Variants in CLEC4D observed in about 807,000 individuals in gnomAD.
CLEC4D encodes the protein C-type lectin domain family 4 member D.
CLEC4D carries 21 observed loss-of-function variants against 21.1 expected under a neutral mutation model. The ratio of observed to expected loss-of-function variants is 1.00; its 90% CI spans 0.71 to 1.43. The LOEUF (loss-of-function observed/expected upper bound fraction) is 1.43, where lower values mean the gene tolerates loss of function less well. CLEC4D is among the 40% of genes most tolerant of loss of function. The pLI is 0.00. For synonymous variants in CLEC4D, 85 were observed against 83.1 expected (o/e 1.02, Z -0.12); for missense variants, 289 against 260.7 (o/e 1.11, Z -0.75).
intron 2 of CLEC4D, among the ~76,000 whole-genome samples, chr12:8,516,122 A>G (rs932553675): frequency 2.0e-5 from 3 of 152,212 alleles, no homozygotes; most frequent in African/African-American, 7.2e-5. Flanking sequence ...AAACAAATCT[A>G]GAGCAGATTA....
chr12:8,520,315 C>A lies in CLEC4D; in HGVS notation c.474C>A (p.Asp158Glu). ...CCAAAGGTCAGTGGCGTTGGGTGGACCAGACGCCATTTAACCCACGCAGAG... is the reference window on the plus strand; with the variant it reads ...CCAAAGGTCAGTGGCGTTGGGTGGAACAGACGCCATTTAACCCACGCAGAG... ...ENAKGQWRWVDQTPFNPRRVF... is the reference protein window; with the variant it reads ...ENAKGQWRWVEQTPFNPRRVF... Residue 158 changes from aspartate (D) to glutamate (E), a missense_variant, in exon 5 of 6, where the codon GAC (aspartate) becomes GAA (glutamate). Asp to Glu is a conservative substitution (Grantham distance 45, BLOSUM62 2). Coordinates refer to ENST00000299665, the MANE Select transcript of CLEC4D (RefSeq NM_080387.5). 6.2e-7 allele frequency: 1 copy of A among 1,613,916 alleles called. No homozygotes were observed. The highest frequency in any genetic ancestry group is 8.5e-7 in the Non-Finnish European group (1 of 1,179,824).
At chr12:8,526,560 T>C (rs1274481342), downstream of CLEC4D, among the ~76,000 whole-genome samples, 2 of 152,240 alleles carry the variant, frequency 1.3e-5, no homozygotes, top group Non-Finnish European at 2.9e-5. Context: ...CTCTCTAAAC[T>C]GGTTATTCTA....
intron 2 of CLEC4D, among the ~76,000 whole-genome samples, chr12:8,516,718 G>A (rs1163823524): frequency 5.9e-5 from 9 of 152,276 alleles, no homozygotes; most frequent in Middle Eastern, 3.4e-3. Context: ...ATATTCGTAC[G>A]CTATTGCCTG....
the CLEC4D span, among the ~76,000 whole-genome samples, chr12:8,530,162 G>A: frequency 8.1e-3 from 1,226 of 152,222 alleles, 18 homozygotes; most frequent in African/African-American, 0.028. Flanking sequence ...ATTTAACAAA[G>A]AAGAAATGAA....
downstream of CLEC4D, among the ~76,000 whole-genome samples, chr12:8,524,387 T>C (rs1038734208): frequency 1.3e-5 from 2 of 152,146 alleles, no homozygotes; most frequent in African/African-American, 4.8e-5. Context: ...GAGCTCGTAA[T>C]TGTCTATTCA....
rs1485089870 is a variant in CLEC4D, at chr12:8,521,181, T to A, written c.558T>A (p.Val186=). ...AGGGAGAAAACTGTGTTGTTCTTGT[T>A]TATAACCAAGATAAATGGGCCTGGA... ...NSQGENCVVL[V]YNQDKWAWND... Residue 186 remains valine, a synonymous_variant, in exon 6 of 6, where the codon GTT becomes GTA. Transcript: ENST00000299665. The A allele has an allele frequency of 8.7e-6, 14 of 1,613,590 alleles. No homozygotes were observed. The Admixed American group carries it at 2.2e-4, about 25-fold the overall frequency.
At chr12:8,531,552 C>G in the CLEC4D span, among the ~76,000 whole-genome samples, 1 of 151,978 alleles carries the variant, frequency 6.6e-6, no homozygotes, top group Admixed American at 6.5e-5. Context: ...ATTTTTTAAA[C>G]GTTTGAGGTA....
At chr12:8,527,804 G>T in the CLEC4D span, among the ~76,000 whole-genome samples, 2 of 152,362 alleles carry the variant, frequency 1.3e-5, no homozygotes, top group African/African-American at 2.4e-5. Flanking sequence ...CCAGGGTTGG[G>T]ATGCTAGGCC....
At chr12:8,525,921 G>A (rs947521511), downstream of CLEC4D, among the ~76,000 whole-genome samples, 3 of 152,106 alleles carry the variant, frequency 2.0e-5, no homozygotes, top group African/African-American at 4.8e-5. Flanking sequence ...GTCTGGAAAG[G>A]ATTTTATTTC....
the CLEC4D span, among the ~76,000 whole-genome samples, chr12:8,529,166 G>A: frequency 2.6e-5 from 4 of 152,176 alleles, no homozygotes; most frequent in East Asian, 1.9e-4. Flanking sequence ...AGCAATCTCC[G>A]TTCAGATTGG....
At chr12:8,527,880 AC>A in the CLEC4D span, among the ~76,000 whole-genome samples, 2 of 141,462 alleles carry the variant, frequency 1.4e-5, no homozygotes, top group East Asian at 3.9e-4. Context: ...TGGAAAAAGC[AC>A]AGTTTCCCTG....
At chr12:8,523,162 A>T (rs1239618864), downstream of CLEC4D, among the ~76,000 whole-genome samples, 1 of 152,084 alleles carries the variant, frequency 6.6e-6, no homozygotes, top group Admixed American at 6.5e-5. Flanking sequence ...TTTGCTTAGG[A>T]TTGTCTTGGC....
At chr12:8,519,967 G>T (rs1314964684) in intron 4 of CLEC4D, among the ~76,000 whole-genome samples, 1 of 152,112 alleles carries the variant, frequency 6.6e-6, no homozygotes, top group Non-Finnish European at 1.5e-5. Context: ...GTGCTAAAAG[G>T]GTTGCAAGTC....
chr12:8,519,099 G>C lies in CLEC4D; in HGVS notation c.323G>C (p.Ser108Thr), dbSNP rs1248335963. ...ACTGACAACAAGACGTGGGCTGAGAGTGAAAGGAACTGTTCAGGGATGGGG... is the reference window on the plus strand; with the variant it reads ...ACTGACAACAAGACGTGGGCTGAGACTGAAAGGAACTGTTCAGGGATGGGG... ...PLTDNKTWAESERNCSGMGAH... is the reference protein window; with the variant it reads ...PLTDNKTWAETERNCSGMGAH... Residue 108 changes from serine to threonine, a missense_variant, in exon 4 of 6, where the codon AGT (serine) becomes ACT (threonine). Ser to Thr is a moderately conservative substitution (Grantham distance 58). Coordinates refer to ENST00000299665, the MANE Select transcript of CLEC4D (RefSeq NM_080387.5). 1 of 1,614,066 alleles carries C rather than the reference G, an allele frequency of 6.2e-7. No homozygotes were observed. The highest frequency in any genetic ancestry group is 8.5e-7 in the Non-Finnish European group (1 of 1,180,024).
the CLEC4D span, among the ~76,000 whole-genome samples, chr12:8,530,485 A>G: frequency 6.6e-6 from 1 of 151,524 alleles, no homozygotes; most frequent in Non-Finnish European, 1.5e-5. Context: ...AGCCCGAAGA[A>G]GTGAAATTAA....
intron 4 of CLEC4D, 132 bp from the exon 5 acceptor site, chr12:8,520,094 T>C: frequency 7.2e-7 from 1 of 1,389,324 alleles, no homozygotes; most frequent in South Asian, 1.5e-5. Flanking sequence ...AGGCAGGATT[T>C]GAAAACAGAT....
chr12:8,514,982 T>C (rs898294452), intron 1 of CLEC4D, among the ~76,000 whole-genome samples: 4 of 152,166 alleles, frequency 2.6e-5, no homozygotes, highest in Non-Finnish European at 4.4e-5. Flanking sequence ...TCTATTCTAA[T>C]GGCTCTTGGG....
At chr12:8,514,889 G>A (rs183853076) in intron 1 of CLEC4D, among the ~76,000 whole-genome samples, 18 of 152,198 alleles carry the variant, frequency 1.2e-4, no homozygotes, top group African/African-American at 4.1e-4. Flanking sequence ...TTAATATTAT[G>A]AGAAGACTTT....
chr12:8,516,019 A>G (rs1276229963), intron 2 of CLEC4D, among the ~76,000 whole-genome samples: 1 of 152,200 alleles, frequency 6.6e-6, no homozygotes, highest in African/African-American at 2.4e-5. Flanking sequence ...GACATATGGG[A>G]AAAGGACAAT....
Sources: allele counts gnomAD v4.1 joint callset (sites outside exome capture counted in the v4.1 genomes callset), GRCh38; gene constraint gnomAD v4.1.1; transcripts MANE v1.5; gene names NCBI Gene and HGNC (gene_info 2026-07-23, HGNC 2026-07-21).